The following OSBPL5 variants were observed in gnomAD, a reference collection of about 807,000 sequenced individuals.
The protein encoded by OSBPL5 is oxysterol-binding protein-related protein 5.
OSBPL5 carries 71 observed loss-of-function variants against 111.2 expected under a neutral mutation model. The observed-to-expected ratio is 0.64, with a 90% CI of 0.53 to 0.78. The LOEUF is 0.78. OSBPL5 is among the 30% of genes least tolerant of loss of function. The probability of loss-of-function intolerance (pLI) is 0.00; values close to 1 mark genes in which losing one functional copy is unlikely to be tolerated. For missense variants in OSBPL5, 1,210 were observed against 1,189.3 expected, an observed-to-expected ratio of 1.02 and a Z score of -0.26; for synonymous variants, 549 against 513.9, an observed-to-expected ratio of 1.07 and a Z score of -0.93.
chr11:3,120,767 C>T (rs564647773), intron 5 of OSBPL5, 143 bp from the exon 6 acceptor site: 19 of 828,434 alleles, frequency 2.3e-5, no homozygotes, highest in South Asian at 1.8e-4. Context: ...CACACCAGTT[C>T]GGAACTCACC....
At chr11:3,108,364 G>A (rs1857786643) in intron 7 of OSBPL5, among the ~76,000 whole-genome samples, 1 of 152,154 alleles carries the variant, frequency 6.6e-6, no homozygotes, top group African/African-American at 2.4e-5. Flanking sequence ...CACCCTGATG[G>A]CCACCCACAG....
rs950854510 is a variant in OSBPL5 at position 3,092,330 on chromosome 11, A to C, written c.2259+102T>G. 6 of 1,407,564 alleles carry C rather than the reference A, an allele frequency of 4.3e-6. No individual in the cohort carries two copies. The African/African-American group carries it at 8.6e-5, about 20-fold the overall frequency. 87.2% of individuals were successfully genotyped at this position (1,407,564 alleles called of 1,614,324 possible). A position where few individuals can be genotyped will look rare whatever the true frequency, so the allele number is the denominator to read the frequency against. ...GGCTGGGGGATGAGGGCGTGAGGGA[A>C]ACGGAGCGAGGGGAAGGGAGGAGTG... is the stretch of plus-strand genomic sequence containing the variant. On this transcript the variant is annotated intron_variant, in intron 19 of 21. Coordinates refer to ENST00000263650, the MANE Select transcript of OSBPL5 (RefSeq NM_020896.4). This position sits in a 1 kb window ranked among gnomAD's most constrained non-coding sequence, Gnocchi z 5.4.
At position 3,109,325 on chromosome 11, in the gene OSBPL5, G is replaced by A. The variant is rs767417240; in HGVS notation, c.692-1380C>T. Among the ~76,000 whole-genome samples the A allele has an allele frequency of 2.0e-5, 3 of 148,222 alleles. No individual in the cohort carries two copies. The highest frequency in any genetic ancestry group is 3.0e-5 in the Non-Finnish European group (2 of 66,858). ...AACCTCTGGGCCTCAAGTGATCTGCGTCGGCCTCCCAAAGTGCTGGGATTA... is the reference window on the plus strand; with the variant it reads ...AACCTCTGGGCCTCAAGTGATCTGCATCGGCCTCCCAAAGTGCTGGGATTA... On this transcript the variant is annotated intron_variant, in intron 7 of 21. Coordinates refer to ENST00000263650, the MANE Select transcript of OSBPL5 (RefSeq NM_020896.4). This position sits in a 1 kb window ranked among gnomAD's most constrained non-coding sequence, Gnocchi z 7.4.
At chr11:3,114,102 G>T (rs1478011220) in intron 7 of OSBPL5, among the ~76,000 whole-genome samples, 1 of 151,836 alleles carries the variant, frequency 6.6e-6, no homozygotes, top group African/African-American at 2.4e-5. Flanking sequence ...TCACTATTTG[G>T]ATATTTTCCA....
intron 1 of OSBPL5, chr11:3,160,972 G>A (rs970410869): frequency 6.6e-6 from 1 of 152,130 alleles, no homozygotes; most frequent in South Asian, 2.1e-4. Flanking sequence ...AGCTGGGGTG[G>A]TGCTTCTGCT....
chr11:3,095,383 A>C (rs1247532704), intron 14 of OSBPL5, among the ~76,000 whole-genome samples: 1 of 152,114 alleles, frequency 6.6e-6, no homozygotes, highest in African/African-American at 2.4e-5. Flanking sequence ...GTGATCACTA[A>C]ATATTATTTC....
At chr11:3,151,474 G>A (rs1245889017) in intron 1 of OSBPL5, among the ~76,000 whole-genome samples, 2 of 152,278 alleles carry the variant, frequency 1.3e-5, no homozygotes, top group Admixed American at 6.5e-5. Flanking sequence ...AGACAGACCC[G>A]GCATCAGCCT....
At chr11:3,111,995 AT>A (rs1857968434) in intron 7 of OSBPL5, among the ~76,000 whole-genome samples, 4 of 145,280 alleles carry the variant, frequency 2.8e-5, no homozygotes, top group Non-Finnish European at 4.5e-5. Context: ...ATGTGTGTGC[AT>A]GTGTGTGTGT....
At chr11:3,119,470 A>C in intron 7 of OSBPL5, 77 bp downstream of exon 7, 2 of 1,422,026 alleles carry the variant, frequency 1.4e-6, no homozygotes, top group Non-Finnish European at 9.4e-7. Context: ...GGCCACCTGT[A>C]CCTGGGCTAC....
chr11:3,136,862 G>A (rs1291389170), intron 1 of OSBPL5, among the ~76,000 whole-genome samples: 1 of 152,252 alleles, frequency 6.6e-6, no homozygotes, highest in South Asian at 2.1e-4. Context: ...CAGGAACTCC[G>A]CAGCCAGCCT....
At chr11:3,152,605 C>T (rs536156830) in intron 1 of OSBPL5, among the ~76,000 whole-genome samples, 5 of 152,300 alleles carry the variant, frequency 3.3e-5, no homozygotes, top group Admixed American at 6.5e-5. Flanking sequence ...GCCTGCGAGG[C>T]GCGATGGGCT....
chr11:3,138,252 G>A (rs916494524), intron 1 of OSBPL5, among the ~76,000 whole-genome samples: 1 of 152,192 alleles, frequency 6.6e-6, no homozygotes, highest in Admixed American at 6.5e-5. Flanking sequence ...CACTCCACCA[G>A]CCCTAAGAAG....
At position 3,098,808 on chromosome 11, in the gene OSBPL5, A is replaced by ATT. The variant is rs112915657; in HGVS notation, c.1621+1348_1621+1349dup. Among the ~76,000 whole-genome samples, 1,016 of 139,896 alleles carry ATT rather than the reference A, an allele frequency of 7.3e-3. 8 individuals are homozygous for ATT. Among genetic ancestry groups the ATT allele is most frequent in the African/African-American group, 0.024 (897 of 37,748 alleles). The allele number at this position is 139,896 out of a possible 152,430, so 91.8% of individuals were successfully genotyped here. ...TTGTGAGCCACTGAGCCCAGCAAAGATTTTTTTTTTTTTTTTGAGATGGGA... is the reference window on the plus strand; with the variant it reads ...TTGTGAGCCACTGAGCCCAGCAAAGATTTTTTTTTTTTTTTTTTGAGATGGGA... On this transcript the variant is annotated intron_variant, in intron 14 of 21. Coordinates refer to ENST00000263650, the MANE Select transcript of OSBPL5 (RefSeq NM_020896.4).
intron 14 of OSBPL5, among the ~76,000 whole-genome samples, chr11:3,096,887 G>A (rs1014172020): frequency 1.4e-5 from 2 of 147,090 alleles, no homozygotes; most frequent in African/African-American, 5.1e-5. Flanking sequence ...GAAAAGATGG[G>A]AATTCTCCCA....
At chr11:3,094,603 G>A (rs972338180) in intron 14 of OSBPL5, 5 of 457,726 alleles carry the variant, frequency 1.1e-5, no homozygotes, top group East Asian at 3.6e-5. Flanking sequence ...TCCCTCAGGG[G>A]CCGTCTCCCC....
rs1857615902 is a variant in OSBPL5 at position 3,104,176 on chromosome 11, C to T, written c.1244+17G>A. 6.3e-7 allele frequency: 1 copy of T among 1,590,770 alleles called. No homozygotes were observed. Among genetic ancestry groups the T allele is most frequent in the African/African-American group, 1.3e-5 (1 of 74,482 alleles). On this transcript the variant is annotated intron_variant, in intron 10 of 21. Coordinates refer to ENST00000263650, the MANE Select transcript of OSBPL5 (RefSeq NM_020896.4). The surrounding 1 kb of genome is among the most constrained non-coding windows in gnomAD (Gnocchi z 5.0). ...GCAGGACGAGGTGTGGGGTGCCCCT[C>T]CCGGCATGGCGCGCACCTGGAGAGC... is the stretch of plus-strand genomic sequence containing the variant.
rs1214049350 is a variant in OSBPL5, at chr11:3,126,241, T to G, written c.219+232A>C. ...CTGAAAACTGATAGTCAAATACACG[T>G]GCACACATGTTCACGGAAGCATTTT... On this transcript the variant is annotated intron_variant, in intron 3 of 21. Coordinates refer to ENST00000263650, the MANE Select transcript of OSBPL5 (RefSeq NM_020896.4). This position sits in a 1 kb window ranked among gnomAD's most constrained non-coding sequence, Gnocchi z 6.5. Among the ~76,000 whole-genome samples, 1 of 152,240 alleles carries G rather than the reference T, an allele frequency of 6.6e-6. No homozygotes were observed. Among genetic ancestry groups the G allele is most frequent in the Non-Finnish European group, 1.5e-5 (1 of 68,050 alleles).
chr11:3,113,237 G>C lies in OSBPL5; in HGVS notation c.692-5292C>G, dbSNP rs1307948809. Among the ~76,000 whole-genome samples, 1 of 152,156 alleles carries C rather than the reference G, an allele frequency of 6.6e-6. No homozygotes were observed. Among genetic ancestry groups the C allele is most frequent in the Non-Finnish European group, 1.5e-5 (1 of 68,030 alleles). On this transcript the variant is annotated intron_variant, in intron 7 of 21. Transcript: ENST00000263650. The surrounding 1 kb of genome is among the most constrained non-coding windows in gnomAD (Gnocchi z 4.8). Reference sequence around the variant, plus strand: ...TAAAGTAATATTAGAAATGTCTTAAGAATTGCCAGCATATATTTTTGTTTG... The same window carrying C: ...TAAAGTAATATTAGAAATGTCTTAACAATTGCCAGCATATATTTTTGTTTG...
intron 1 of OSBPL5, among the ~76,000 whole-genome samples, chr11:3,156,253 T>A (rs772178233): frequency 6.6e-6 from 1 of 152,210 alleles, no homozygotes; most frequent in Non-Finnish European, 1.5e-5. Flanking sequence ...GGAATGGAAC[T>A]ACCAGAATGT....
Sources: gnomAD v4.1 joint callset for allele counts (sites outside exome capture counted in the v4.1 genomes callset) on GRCh38, gnomAD v4.1.1 for gene constraint, Gnocchi (gnomAD v3.1) non-coding constraint, MANE v1.5 for transcripts, NCBI Gene and HGNC (gene_info 2026-07-23, HGNC 2026-07-21) for gene names.